RRM2: variants seen among roughly 807,000 people sequenced by gnomAD.
RRM2 encodes the protein ribonucleotide reductase regulatory subunit M2.
Under a neutral mutation model 45.9 loss-of-function variants are expected in RRM2, and 6 were observed. The ratio of observed to expected loss-of-function variants is 0.13; its 90% CI spans 0.07 to 0.26. RRM2 has a LOEUF of 0.26. Ranked by LOEUF, RRM2 falls within the 10% of genes least tolerant of loss-of-function variation. The probability of loss-of-function intolerance (pLI) is 1.00; values close to 1 mark genes in which losing one functional copy is unlikely to be tolerated. For missense variants in RRM2, 343 were observed against 489.5 expected, an observed-to-expected ratio of 0.70 and a Z score of 2.82; for synonymous variants, 177 against 173.0, an observed-to-expected ratio of 1.02 and a Z score of -0.18.
intron 3 of RRM2, among the ~76,000 whole-genome samples, chr2:10,179,503 A>G (rs1663999826): frequency 1.3e-5 from 2 of 152,222 alleles, no homozygotes; most frequent in African/African-American, 4.8e-5. Flanking sequence ...TGCCTGCTTT[A>G]GTAAAGCTGC....
At position 10,171,085 on chromosome 2, in the gene RRM2, T is replaced by A. The variant is rs879600668; in HGVS notation, n.482+28710T>A. Among the ~76,000 whole-genome samples, 2 of 152,012 alleles carry A rather than the reference T, an allele frequency of 1.3e-5. No homozygotes were observed. Among genetic ancestry groups the A allele is most frequent in the African/African-American group, 2.4e-5 (1 of 41,400 alleles). ...GCAGACCCAGCACAGGCTGCGCCAC[T>A]CATCATTATAGGCTGCGCCACTCAT... On this transcript the variant is annotated intron_variant and non_coding_transcript_variant, in intron 3 of 3. Transcript: ENST00000381786. This position sits in a 1 kb window ranked among gnomAD's most constrained non-coding sequence, Gnocchi z 4.1.
intron 3 of RRM2, among the ~76,000 whole-genome samples, chr2:10,201,886 A>G (rs6708387): frequency 0.038 from 5,844 of 152,330 alleles, 384 homozygotes; most frequent in African/African-American, 0.13. Context: ...TATAATTTTT[A>G]TACCAAATAA....
chr2:10,147,246 C>T (rs189120700), intron 3 of RRM2, among the ~76,000 whole-genome samples: 28 of 152,048 alleles, frequency 1.8e-4, no homozygotes, highest in Non-Finnish European at 2.6e-4. Flanking sequence ...CCACTGGGCC[C>T]GGCTTAGTTT....
At chr2:10,192,381 C>T (rs1664326117) in intron 3 of RRM2, among the ~76,000 whole-genome samples, 1 of 152,200 alleles carries the variant, frequency 6.6e-6, no homozygotes, top group African/African-American at 2.4e-5. Flanking sequence ...GAAAGGACTT[C>T]TCCAACCGTG....
chr2:10,167,027 G>A (rs553109120), intron 3 of RRM2, among the ~76,000 whole-genome samples: 17 of 152,282 alleles, frequency 1.1e-4, no homozygotes, highest in Admixed American at 7.8e-4. Flanking sequence ...TTGAGAACAC[G>A]GCTAAGAACT....
chr2:10,190,886 G>A (rs1476032336), intron 3 of RRM2, among the ~76,000 whole-genome samples: 1 of 152,148 alleles, frequency 6.6e-6, no homozygotes, highest in African/African-American at 2.4e-5. Context: ...TGGTGATGGT[G>A]ACGATGGTGA....
chr2:10,140,092 C>A (rs377614632), upstream of RRM2, among the ~76,000 whole-genome samples: 10 of 151,638 alleles, frequency 6.6e-5, no homozygotes, highest in African/African-American at 2.4e-4. Flanking sequence ...ACTAAAAATA[C>A]AGAAATTAGC....
exon 1 of RRM2, chr2:10,141,638 G>C (rs1663080489): frequency 1.6e-6 from 1 of 615,896 alleles, no homozygotes. Context: ...TCACACGGAG[G>C]AGGGTATGAT....
Position 10,124,813 on chromosome 2 carries a change from C to G in RRM2, c.532C>G (p.Leu178Val). Residue 178 changes from leucine to valine, a missense_variant, in exon 5 of 10, where the codon CTT (leucine) becomes GTT (valine). Physicochemically the swap from Leu to Val is conservative, Grantham distance 32. Transcript: ENST00000304567. ...MENIHSEMYS[L>V]LIDTYIKDPK... ...AAACATACATTCTGAAATGTATAGTCTTCTTATTGACACTTACATAAAAGA... is the reference window on the plus strand; with the variant it reads ...AAACATACATTCTGAAATGTATAGTGTTCTTATTGACACTTACATAAAAGA... The G allele has an allele frequency of 2.5e-6, 4 of 1,607,512 alleles. No homozygotes were observed. The highest frequency in any genetic ancestry group is 3.4e-6 in the Non-Finnish European group (4 of 1,174,908).
intron 3 of RRM2, among the ~76,000 whole-genome samples, chr2:10,196,365 G>T (rs1231686688): frequency 6.6e-6 from 1 of 152,168 alleles, no homozygotes; most frequent in Non-Finnish European, 1.5e-5. Context: ...AAAGAGCTGG[G>T]TTTCATCTCG....
chr2:10,155,582 C>T (rs1663406579), intron 3 of RRM2: 1 of 152,424 alleles, frequency 6.6e-6, no homozygotes, highest in Admixed American at 6.5e-5. Flanking sequence ...CTGAGGGGTT[C>T]CCGGGCTCTC....
chr2:10,195,401 C>A lies in RRM2; in HGVS notation n.483-14910C>A, dbSNP rs972208195. On this transcript the variant is annotated intron_variant and non_coding_transcript_variant, in intron 3 of 3. Transcript: ENST00000381786. The surrounding 1 kb of genome is among the most constrained non-coding windows in gnomAD (Gnocchi z 4.9). ...CTCTGAGCGGACAGTGCTGGCGGAGCCCTGGGGAGCACCGAGTCCCCGCCG... is the reference window on the plus strand; with the variant it reads ...CTCTGAGCGGACAGTGCTGGCGGAGACCTGGGGAGCACCGAGTCCCCGCCG... Among the ~76,000 whole-genome samples the A allele has an allele frequency of 6.6e-6, 1 of 151,960 alleles. No individual in the cohort carries two copies. The highest frequency in any genetic ancestry group is 1.5e-5 in the Non-Finnish European group (1 of 67,952).
At chr2:10,123,145 T>C (rs1484573724) in intron 2 of RRM2, 88 bp downstream of exon 2, 18 of 1,411,842 alleles carry the variant, frequency 1.3e-5, no homozygotes, top group Non-Finnish European at 1.5e-5. Context: ...CTGTTCACAC[T>C]CCCGCCCCGG....
intron 3 of RRM2, among the ~76,000 whole-genome samples, chr2:10,188,940 G>A (rs989205883): frequency 6.6e-6 from 1 of 152,120 alleles, no homozygotes; most frequent in African/African-American, 2.4e-5. Context: ...GGAGGCGCCG[G>A]CGCCCCATGT....
At chr2:10,150,780 T>TTTG (rs1388563230) in intron 3 of RRM2, among the ~76,000 whole-genome samples, 16 of 149,050 alleles carry the variant, frequency 1.1e-4, no homozygotes, top group African/African-American at 3.9e-4. Context: ...TGTTTTTTTT[T>TTTG]TTTTTTTTTT....
In RRM2 at chr2:10,122,749, T is replaced by A. The variant is rs1662683132; in HGVS notation, c.-50T>A. 1 of 1,556,070 alleles carries A rather than the reference T, an allele frequency of 6.4e-7. No homozygotes were observed. Among genetic ancestry groups the A allele is most frequent in the African/African-American group, 1.4e-5 (1 of 73,446 alleles). On this transcript the variant is annotated 5_prime_UTR_variant, in exon 1 of 10. Transcript: ENST00000304567. ...AGTGAGGGGTCGCCCGTGCACCCTGTCCCAGCCGTCCTGTCCTGGCTGCTC... is the reference window on the plus strand; with the variant it reads ...AGTGAGGGGTCGCCCGTGCACCCTGACCCAGCCGTCCTGTCCTGGCTGCTC...
rs1664626509 is a variant in RRM2 at position 10,204,363 on chromosome 2, A to G, written n.483-5948A>G. 6.6e-6 allele frequency among the ~76,000 whole-genome samples: 1 copy of G among 152,134 alleles called. No homozygotes were observed. The highest frequency in any genetic ancestry group is 2.4e-5 in the African/African-American group (1 of 41,426). ...ACCTAGGCATCAGCTAGGTGAAGAG[A>G]GCAGGGAAGGAGACTCCAGGGAGAG... On this transcript the variant is annotated intron_variant and non_coding_transcript_variant, in intron 3 of 3. Transcript: ENST00000381786. The surrounding 1 kb of genome is among the most constrained non-coding windows in gnomAD (Gnocchi z 4.0).
Position 10,129,258 on chromosome 2 carries a change from G to T in RRM2, c.1042G>T (p.Asp348Tyr). ...GGTTTTCAGAGTAGAGAACCCATTT[G>T]ACTTTATGGAGAATATTTCACTGGA... is the stretch of plus-strand genomic sequence containing the variant. Reference protein sequence around the residue: ...SKVFRVENPFDFMENISLEGK... With the variant: ...SKVFRVENPFYFMENISLEGK... The change falls in exon 10 of 10, where the codon GAC becomes TAC. Residue 348 changes from aspartate to tyrosine, a missense_variant. By Grantham distance (160) the Asp-to-Tyr change is radical. This residue lies in a region of RRM2 where 212 missense variants were observed against 368.1 expected (regional missense o/e 0.58). Coordinates refer to ENST00000304567, the MANE Select transcript of RRM2 (RefSeq NM_001034.4). This position sits in a 1 kb window ranked among gnomAD's most constrained non-coding sequence, Gnocchi z 4.8. 6.2e-7 allele frequency: 1 copy of T among 1,613,956 alleles called. No individual in the cohort carries two copies. The highest frequency in any genetic ancestry group is 1.1e-5 in the South Asian group (1 of 90,990).
intron 3 of RRM2, among the ~76,000 whole-genome samples, chr2:10,154,456 C>T (rs1663382166): frequency 7.2e-6 from 1 of 139,486 alleles, no homozygotes; most frequent in South Asian, 2.2e-4. Flanking sequence ...GTCAAGATGG[C>T]ATCATTGCAC....
Sources: gnomAD v4.1 joint callset for allele counts (sites outside exome capture counted in the v4.1 genomes callset) on GRCh38, gnomAD v4.1.1 for gene constraint, gnomAD v4.1.1 regional missense constraint, Gnocchi (gnomAD v3.1) non-coding constraint, MANE v1.5 for transcripts, NCBI Gene and HGNC (gene_info 2026-07-23, HGNC 2026-07-21) for gene names.